The following GRTP1 variants were observed in gnomAD, a reference collection of about 807,000 sequenced individuals.
GRTP1 encodes growth hormone regulated TBC protein 1.
Under a neutral mutation model 38.1 loss-of-function variants are expected in GRTP1, and 56 were observed. The observed-to-expected ratio is 1.47, with a 90% CI of 1.19 to 1.84. The LOEUF is 1.84. Ranked by LOEUF, GRTP1 falls within the 40% of genes most tolerant of loss-of-function variation. The pLI is 0.00. For missense variants in GRTP1, 506 were observed against 453.9 expected (o/e 1.11, Z -1.04); for synonymous variants, 217 against 189.5 (o/e 1.14, Z -1.19).
intron 7 of GRTP1, chr13:113,324,849 C>G: frequency 4.6e-6 from 5 of 1,091,930 alleles, no homozygotes; most frequent in Non-Finnish European, 5.7e-6. Flanking sequence ...TTTTTTGAGA[C>G]AGAGTCTCAC....
intron 5 of GRTP1, among the ~76,000 whole-genome samples, chr13:113,334,983 C>T (rs966274825): frequency 4.0e-5 from 6 of 151,732 alleles, no homozygotes; most frequent in African/African-American, 1.2e-4. Flanking sequence ...CCACCACGCC[C>T]GGCTAATTTT....
chr13:113,325,657 A>ACATT lies in GRTP1; in HGVS notation c.921+3_921+4insAATG, dbSNP rs1555313143. 1.2e-6 allele frequency: 2 copies of ACATT among 1,613,900 alleles called. No homozygotes were observed. The highest frequency in any genetic ancestry group is 3.3e-5 in the Admixed American group (2 of 60,014). ...GGGACTGAGCCACGTGCAGCCCCAC[A>ACATT]CACCTGCATAAACGTGTGACACTCC... On this transcript the variant is annotated splice_donor_region_variant and intron_variant, in intron 7 of 7. Coordinates refer to ENST00000375431, the MANE Select transcript of GRTP1 (RefSeq NM_024719.4).
intron 2 of GRTP1, among the ~76,000 whole-genome samples, chr13:113,357,657 C>T (rs971862499): frequency 2.0e-5 from 3 of 152,046 alleles, no homozygotes; most frequent in Non-Finnish European, 4.4e-5. Context: ...CAAGTTAGTA[C>T]GATTCATACT....
chr13:113,345,986 CCGAGAG>C (rs879788288), intron 4 of GRTP1, among the ~76,000 whole-genome samples: 21 of 151,472 alleles, frequency 1.4e-4, no homozygotes, highest in Non-Finnish European at 2.7e-4. Context: ...ACTTTTGTGG[CCGAGAG>C]TGGACCCGAG....
intron 2 of GRTP1, among the ~76,000 whole-genome samples, chr13:113,363,140 G>T (rs1161111414): frequency 6.6e-6 from 1 of 152,220 alleles, no homozygotes; most frequent in Non-Finnish European, 1.5e-5. Context: ...CGGGCGGGCG[G>T]TCAGGCCGGT....
At chr13:113,339,673 C>T (rs1013325440) in intron 5 of GRTP1, 2 of 152,170 alleles carry the variant, frequency 1.3e-5, no homozygotes, top group African/African-American at 2.4e-5. Context: ...CAATTTTGTT[C>T]CATTGGTCTG....
intron 5 of GRTP1, among the ~76,000 whole-genome samples, chr13:113,340,958 C>T (rs2139438642): frequency 6.6e-6 from 1 of 152,122 alleles, no homozygotes; most frequent in African/African-American, 2.4e-5. Flanking sequence ...TTATCCATTT[C>T]TGTCTCTTCA....
intron 5 of GRTP1, among the ~76,000 whole-genome samples, chr13:113,334,978 A>G (rs973314263): frequency 3.3e-5 from 5 of 151,822 alleles, no homozygotes; most frequent in Non-Finnish European, 5.9e-5. Context: ...GCCCGCCACC[A>G]CGCCCGGCTA....
At chr13:113,324,829 C>CT (rs781015380) in intron 7 of GRTP1, 136,418 of 945,032 alleles carry the variant, frequency 0.14, 254 homozygotes, top group Non-Finnish European at 0.16. Context: ...TTCCATTAGA[C>CT]TTTTTTTTTT....
In GRTP1 at chr13:113,344,847, G is replaced by A. The variant is rs1302894349; in HGVS notation, c.562+16C>T. On this transcript the variant is annotated intron_variant, in intron 5 of 7. Transcript: ENST00000375431. ...AACAGGACAGTTCGGGCATACCGCA[G>A]GAATTTTCAACATACCTGGTAGTAT... 1 of 1,593,032 alleles carries A rather than the reference G, an allele frequency of 6.3e-7. No homozygotes were observed. Among genetic ancestry groups the A allele is most frequent in the Non-Finnish European group, 8.5e-7 (1 of 1,174,426 alleles).
chr13:113,358,043 G>C (rs914068973), intron 2 of GRTP1, among the ~76,000 whole-genome samples: 3 of 152,098 alleles, frequency 2.0e-5, no homozygotes, highest in Non-Finnish European at 2.9e-5. Flanking sequence ...TTAGCCGGGC[G>C]TGGTGGCAGG....
chr13:113,346,560 C>A (rs2043141011), intron 4 of GRTP1, among the ~76,000 whole-genome samples: 1 of 18,260 alleles, frequency 5.5e-5, no homozygotes, highest in African/African-American at 6.1e-5. Context: ...AAGAGCAGAC[C>A]CAGGAGGACC....
chr13:113,357,008 A>G (rs1163468796), intron 2 of GRTP1, among the ~76,000 whole-genome samples: 1 of 138,110 alleles, frequency 7.2e-6, no homozygotes, highest in Non-Finnish European at 1.6e-5. Flanking sequence ...CATCCACTGA[A>G]AGCCAAAGAA....
chr13:113,351,201 CAG>C (rs1294894281), intron 3 of GRTP1, among the ~76,000 whole-genome samples: 3 of 152,282 alleles, frequency 2.0e-5, no homozygotes, highest in East Asian at 1.9e-4. Context: ...GTCCTTCCCG[CAG>C]AGTCAGGGAC....
At chr13:113,335,289 GGT>G (rs1317465673) in intron 5 of GRTP1, among the ~76,000 whole-genome samples, 4 of 151,998 alleles carry the variant, frequency 2.6e-5, no homozygotes, top group Non-Finnish European at 4.4e-5. Context: ...TGGCCGTGGT[GGT>G]GTGTGCCTGT....
intron 5 of GRTP1, among the ~76,000 whole-genome samples, chr13:113,331,716 TA>T (rs1426067376): frequency 3.4e-5 from 5 of 145,132 alleles, no homozygotes; most frequent in Non-Finnish European, 7.5e-5. Flanking sequence ...AGTGCAGTGG[TA>T]TAATCTCGGC....
At chr13:113,332,421 A>ACGC (rs1267094713) in intron 5 of GRTP1, among the ~76,000 whole-genome samples, 7 of 151,936 alleles carry the variant, frequency 4.6e-5, no homozygotes, top group African/African-American at 1.2e-4. Flanking sequence ...GTGCACACGC[A>ACGC]CACCACACAG....
At chr13:113,363,350 G>A (rs112701390) in intron 2 of GRTP1, among the ~76,000 whole-genome samples, 100 of 152,364 alleles carry the variant, frequency 6.6e-4, no homozygotes, top group African/African-American at 2.4e-3. Flanking sequence ...TGGGACTACA[G>A]GCAGGAGCCA....
chr13:113,341,771 G>A (rs971790567), intron 5 of GRTP1, among the ~76,000 whole-genome samples: 1 of 152,320 alleles, frequency 6.6e-6, no homozygotes, highest in Non-Finnish European at 1.5e-5. Flanking sequence ...CTCTGAGTAG[G>A]AGATAAATGG....
Sources: gnomAD v4.1 joint callset for allele counts (sites outside exome capture counted in the v4.1 genomes callset) on GRCh38, gnomAD v4.1.1 for gene constraint, MANE v1.5 for transcripts, NCBI Gene and HGNC (gene_info 2026-07-23, HGNC 2026-07-21) for gene names.